Variants in LSM14A observed in about 807,000 individuals in gnomAD.
LSM14A encodes LSM14A mRNA processing body assembly factor.
In LSM14A, 14 loss-of-function variants were observed where a neutral mutation model predicts 52.4. That is an observed-to-expected ratio of 0.27 (90% CI 0.18 to 0.42). The LOEUF (loss-of-function observed/expected upper bound fraction) is 0.42, where lower values mean the gene tolerates loss of function less well. Ranked by LOEUF, LSM14A falls within the 10% of genes least tolerant of loss-of-function variation. The pLI is 1.00. For synonymous variants in LSM14A, 185 were observed against 200.3 expected, an observed-to-expected ratio of 0.92 and a Z score of 0.64; for missense variants, 417 against 581.8, an observed-to-expected ratio of 0.72 and a Z score of 2.91.
chr19:34,209,717 A>G (rs1036999380), intron 4 of LSM14A, among the ~76,000 whole-genome samples: 1 of 151,656 alleles, frequency 6.6e-6, no homozygotes, highest in Non-Finnish European at 1.5e-5. Context: ...TTATTTACTT[A>G]TTAGAGATGA....
At chr19:34,205,368 C>A (rs888220075) in intron 3 of LSM14A, among the ~76,000 whole-genome samples, 1 of 151,418 alleles carries the variant, frequency 6.6e-6, no homozygotes, top group Admixed American at 6.6e-5. Flanking sequence ...TGCCTGTAAT[C>A]CCAGCTACTC....
At chr19:34,199,784 A>T (rs1284118054) in intron 3 of LSM14A, among the ~76,000 whole-genome samples, 5 of 152,202 alleles carry the variant, frequency 3.3e-5, no homozygotes, top group Admixed American at 6.5e-5. Flanking sequence ...TTCATATAAA[A>T]ATGCCTGCTA....
At chr19:34,213,489 C>T (rs2072323474) in intron 4 of LSM14A, among the ~76,000 whole-genome samples, 1 of 152,328 alleles carries the variant, frequency 6.6e-6, no homozygotes, top group Admixed American at 6.5e-5. Context: ...GCATTGTCAG[C>T]ACTCACCAGT....
rs1405428217 is a variant in LSM14A, at chr19:34,208,969, CAGT to C, written c.457_459del (p.Ser153del). 1 of 1,610,656 alleles carries C rather than the reference CAGT, an allele frequency of 6.2e-7. No homozygotes were observed. ...CATCCTTTGGAACAGAAACATCAAA[CAGT>C]GGTACCTTACCCCAAAGTAGTGCGG... On this transcript the variant is annotated inframe_deletion, in exon 4 of 10. Transcript: ENST00000544216.
intron 4 of LSM14A, among the ~76,000 whole-genome samples, chr19:34,210,416 C>T (rs748575422): frequency 3.3e-5 from 5 of 151,740 alleles, no homozygotes; most frequent in African/African-American, 7.3e-5. Context: ...ATTACAGGCA[C>T]GTGCCACCAC....
intron 6 of LSM14A, among the ~76,000 whole-genome samples, chr19:34,218,752 TATAGA>T (rs1204651398): frequency 6.6e-6 from 1 of 152,178 alleles, no homozygotes; most frequent in Non-Finnish European, 1.5e-5. Context: ...TTTACTGTGT[TATAGA>T]GGAGAGAGAA....
intron 3 of LSM14A, among the ~76,000 whole-genome samples, chr19:34,203,635 A>G (rs2071462371): frequency 6.6e-6 from 1 of 152,014 alleles, no homozygotes; most frequent in African/African-American, 2.4e-5. Flanking sequence ...CCCTGTCTCT[A>G]CTAAAAATAC....
chr19:34,209,339 T>C (rs2071959762), intron 4 of LSM14A, among the ~76,000 whole-genome samples: 1 of 152,196 alleles, frequency 6.6e-6, no homozygotes, highest in African/African-American at 2.4e-5. Context: ...CTTAAATATA[T>C]CAAATTAGGC....
At chr19:34,226,524 C>A in intron 9 of LSM14A, 1 of 1,355,966 alleles carries the variant, frequency 7.4e-7, no homozygotes, top group Non-Finnish European at 9.9e-7. Flanking sequence ...ACAGCAGGTT[C>A]ATCTTGTAGC....
rs60512063 is a variant in LSM14A, at chr19:34,192,319, G to GTTGTTTTTTTTTTTTTTT, written c.122-2157_122-2156insGTTTTTTTTTTTTTTTTT. Among the ~76,000 whole-genome samples, 18 of 53,402 alleles carry GTTGTTTTTTTTTTTTTTT rather than the reference G, an allele frequency of 3.4e-4. 1 individual carries two copies. The highest frequency in any genetic ancestry group is 1.3e-3 in the African/African-American group (16 of 12,356). The allele number at this position is 53,402 out of a possible 152,430, so 35.0% of individuals were successfully genotyped here. A position where few individuals can be genotyped will look rare whatever the true frequency, so the allele number is the denominator to read the frequency against. On this transcript the variant is annotated intron_variant, in intron 1 of 9. Transcript: ENST00000544216. Reference sequence around the variant, plus strand: ...ACACTGAAATAACATTCTTTTTGTTGTTTTTTTTTTTTTTTTTTTTTTTGG... The same window carrying GTTGTTTTTTTTTTTTTTT: ...ACACTGAAATAACATTCTTTTTGTTGTTGTTTTTTTTTTTTTTTTTTTTTTTTTTTTTTTTTTTTTTGG...
intron 1 of LSM14A, among the ~76,000 whole-genome samples, chr19:34,179,141 A>G (rs1192259523): frequency 1.3e-5 from 2 of 152,264 alleles, no homozygotes; most frequent in Non-Finnish European, 2.9e-5. Flanking sequence ...AAGAGACTTT[A>G]TGAAGAACGA....
intron 1 of LSM14A, among the ~76,000 whole-genome samples, chr19:34,181,441 A>G (rs1264383393): frequency 6.6e-6 from 1 of 152,196 alleles, no homozygotes; most frequent in African/African-American, 2.4e-5. Flanking sequence ...ATTCCTACAT[A>G]TGAAGTTTTC....
chr19:34,187,077 T>A lies in LSM14A; in HGVS notation c.122-7401T>A, dbSNP rs528000962. ...ACATGGTGAAACCCAGTCTCTAATTTAAAAAAAAAAAAATACAAACATTAG... is the reference window on the plus strand; with the variant it reads ...ACATGGTGAAACCCAGTCTCTAATTAAAAAAAAAAAAAATACAAACATTAG... On this transcript the variant is annotated intron_variant, in intron 1 of 9. Coordinates refer to ENST00000544216, the MANE Select transcript of LSM14A (RefSeq NM_015578.4). Among the ~76,000 whole-genome samples the A allele has an allele frequency of 9.5e-3, 1,384 of 145,826 alleles. 9 individuals are homozygous for A. The highest frequency in any genetic ancestry group is 0.024 in the African/African-American group (945 of 39,800).
intron 3 of LSM14A, among the ~76,000 whole-genome samples, chr19:34,199,913 T>C (rs2071166227): frequency 6.6e-6 from 1 of 152,232 alleles, no homozygotes; most frequent in Admixed American, 6.5e-5. Flanking sequence ...GACAGCATAT[T>C]AAGGTGGTCT....
At chr19:34,184,798 A>T (rs909601291) in intron 1 of LSM14A, among the ~76,000 whole-genome samples, 2 of 152,186 alleles carry the variant, frequency 1.3e-5, no homozygotes, top group East Asian at 3.8e-4. Flanking sequence ...TTTATTAGCA[A>T]TGTTGACTTA....
intron 9 of LSM14A, 180 bp downstream of exon 9, chr19:34,221,918 AAGAC>A: frequency 1.6e-6 from 2 of 1,266,394 alleles, no homozygotes; most frequent in Non-Finnish European, 2.1e-6. Flanking sequence ...TATACAAAAA[AAGAC>A]AGTATAGTAT....
At chr19:34,177,952 G>A (rs569409762) in intron 1 of LSM14A, among the ~76,000 whole-genome samples, 109 of 152,214 alleles carry the variant, frequency 7.2e-4, no homozygotes, top group African/African-American at 2.5e-3. Context: ...CCTGAAGTCA[G>A]AAGCTCGAGA....
chr19:34,197,183 G>C (rs896504822), intron 3 of LSM14A, among the ~76,000 whole-genome samples: 9 of 151,836 alleles, frequency 5.9e-5, no homozygotes, highest in Non-Finnish European at 4.4e-5. Context: ...CTTCCACCTC[G>C]TGGGTTTAAG....
intron 3 of LSM14A, 50 bp downstream of exon 3, chr19:34,196,813 T>A: frequency 6.7e-7 from 1 of 1,502,382 alleles, no homozygotes; most frequent in Non-Finnish European, 9.1e-7. Flanking sequence ...CTTCCTTTCT[T>A]TACCACAAAG....
Sources: gnomAD v4.1 joint callset for allele counts (sites outside exome capture counted in the v4.1 genomes callset) on GRCh38, gnomAD v4.1.1 for gene constraint, MANE v1.5 for transcripts, NCBI Gene and HGNC (gene_info 2026-07-23, HGNC 2026-07-21) for gene names.